The following DACH2 variants were observed in gnomAD, a reference collection of about 807,000 sequenced individuals.
The protein encoded by DACH2 is dachshund homolog 2.
DACH2 carries 17 observed loss-of-function variants against 35.8 expected under a neutral mutation model. The ratio of observed to expected loss-of-function variants is 0.48; its 90% CI spans 0.33 to 0.71. The LOEUF (loss-of-function observed/expected upper bound fraction) is 0.71. Among genes scored for constraint, DACH2 ranks in the 30% least tolerant of loss-of-function variants. The pLI is 0.02. For missense variants in DACH2, 469 were observed against 472.7 expected (o/e 0.99, Z 0.07); for synonymous variants, 195 against 177.3 (o/e 1.10, Z -0.79).
intron 1 of DACH2, among the ~76,000 whole-genome samples, chrX:86,280,665 TAA>T (rs755442950): frequency 6.2e-4 from 69 of 112,139 alleles, no homozygotes; most frequent in Middle Eastern, 4.6e-3. Context: ...GCAAATTGGA[TAA>T]AGAGTCATGA....
intron 1 of DACH2, among the ~76,000 whole-genome samples, chrX:86,217,312 G>A (rs1280112868): frequency 9.0e-6 from 1 of 111,314 alleles, no homozygotes; most frequent in Non-Finnish European, 1.9e-5. Flanking sequence ...AGAAAAATAG[G>A]TTGACTTGCA....
intron 3 of DACH2, among the ~76,000 whole-genome samples, chrX:86,589,317 C>T (rs1367885524): frequency 1.8e-5 from 2 of 110,261 alleles, no homozygotes; most frequent in Non-Finnish European, 3.8e-5. Flanking sequence ...TTCTTTTCTT[C>T]TGCTATATTT....
At chrX:86,465,881 A>G (rs2037657847) in intron 2 of DACH2, among the ~76,000 whole-genome samples, 1 of 111,935 alleles carries the variant, frequency 8.9e-6, no homozygotes, top group Non-Finnish European at 1.9e-5. Context: ...TGGCAAGAAG[A>G]TTGCAGGTGT....
At chrX:86,334,805 T>G (rs2035274936) in intron 1 of DACH2, among the ~76,000 whole-genome samples, 1 of 112,354 alleles carries the variant, frequency 8.9e-6, no homozygotes. Flanking sequence ...GCCAATGCTT[T>G]TGGTGTTTTA....
At chrX:86,315,475 CTT>C (rs758054822) in intron 1 of DACH2, among the ~76,000 whole-genome samples, 46 of 111,779 alleles carry the variant, frequency 4.1e-4, no homozygotes, top group African/African-American at 1.3e-3. Context: ...GTTCAAGTCT[CTT>C]TTTCTAAGGA....
At chrX:86,819,224 G>C (rs2042484014) in intron 11 of DACH2, among the ~76,000 whole-genome samples, 1 of 109,513 alleles carries the variant, frequency 9.1e-6, no homozygotes, top group African/African-American at 3.3e-5. Flanking sequence ...AATGTTTTCT[G>C]GTGATCACGC....
intron 4 of DACH2, among the ~76,000 whole-genome samples, chrX:86,658,367 G>A (rs1255586487): frequency 9.0e-6 from 1 of 111,601 alleles, no homozygotes; most frequent in Non-Finnish European, 1.9e-5. Flanking sequence ...AGACAGGAGA[G>A]TATGAAAATA....
intron 1 of DACH2, among the ~76,000 whole-genome samples, chrX:86,170,914 A>G (rs761659532): frequency 1.8e-5 from 2 of 111,991 alleles, no homozygotes; most frequent in Non-Finnish European, 3.8e-5. Flanking sequence ...CCAGAAAGGC[A>G]GGACAACTTG....
At chrX:86,495,021 G>T (rs1050151253) in intron 2 of DACH2, among the ~76,000 whole-genome samples, 2 of 111,043 alleles carry the variant, frequency 1.8e-5, no homozygotes, top group Non-Finnish European at 3.8e-5. Flanking sequence ...AAATATTAAT[G>T]AGATAGTTTG....
At chrX:86,648,952 T>G (rs1160455942) in intron 3 of DACH2, among the ~76,000 whole-genome samples, 2 of 110,333 alleles carry the variant, frequency 1.8e-5, no homozygotes, top group African/African-American at 6.5e-5. Context: ...TTAGAGATTT[T>G]TTTTTTAACT....
At chrX:86,469,396 A>C (rs1778070549) in intron 2 of DACH2, among the ~76,000 whole-genome samples, 1 of 111,406 alleles carries the variant, frequency 9.0e-6, no homozygotes, top group Admixed American at 9.6e-5. Flanking sequence ...TATGTTAAAT[A>C]GATTGATTTA....
At chrX:86,232,142 A>C (rs2032961966) in intron 1 of DACH2, among the ~76,000 whole-genome samples, 1 of 111,730 alleles carries the variant, frequency 9.0e-6, no homozygotes, top group Non-Finnish European at 1.9e-5. Flanking sequence ...AGTAGAGAGC[A>C]GGCCAATTGG....
At chrX:86,434,452 A>G (rs1189306215) in intron 2 of DACH2, among the ~76,000 whole-genome samples, 1 of 112,240 alleles carries the variant, frequency 8.9e-6, no homozygotes, top group African/African-American at 3.2e-5. Flanking sequence ...TCAGAATAAA[A>G]TATTTCACTT....
chrX:86,822,372 CTAT>C (rs1195488915), intron 11 of DACH2, among the ~76,000 whole-genome samples: 1 of 111,866 alleles, frequency 8.9e-6, no homozygotes, highest in African/African-American at 3.2e-5. Flanking sequence ...AAGGCAGGAC[CTAT>C]TATATGTATA....
chrX:86,382,502 A>ATG (rs2036062077), intron 2 of DACH2, among the ~76,000 whole-genome samples: 6 of 107,470 alleles, frequency 5.6e-5, no homozygotes, highest in East Asian at 5.9e-4. Context: ...ACACACACAC[A>ATG]CACGTCCTCT....
chrX:86,630,423 CAT>C (rs751878867), intron 3 of DACH2, among the ~76,000 whole-genome samples: 2 of 107,971 alleles, frequency 1.9e-5, no homozygotes, highest in African/African-American at 3.4e-5. Flanking sequence ...TATATACACA[CAT>C]ATATATATAT....
At chrX:86,593,213 G>A (rs1294112758) in intron 3 of DACH2, among the ~76,000 whole-genome samples, 1 of 109,938 alleles carries the variant, frequency 9.1e-6, no homozygotes, top group Non-Finnish European at 1.9e-5. Flanking sequence ...CTTGTTGAGA[G>A]TTTTTAAGGT....
intron 3 of DACH2, among the ~76,000 whole-genome samples, chrX:86,613,671 C>G (rs1479120204): frequency 9.0e-6 from 1 of 111,144 alleles, no homozygotes; most frequent in Non-Finnish European, 1.9e-5. Flanking sequence ...TTGGGGTTAT[C>G]TAGGTTCTGG....
intron 3 of DACH2, among the ~76,000 whole-genome samples, chrX:86,640,367 A>G (rs1039825969): frequency 9.0e-6 from 1 of 111,582 alleles, no homozygotes; most frequent in Non-Finnish European, 1.9e-5. Flanking sequence ...AGCTACAGAC[A>G]CAAGGAGAGG....
Sources: gnomAD v4.1 joint callset for allele counts (sites outside exome capture counted in the v4.1 genomes callset) on GRCh38, gnomAD v4.1.1 for gene constraint, MANE v1.5 for transcripts, NCBI Gene and HGNC (gene_info 2026-07-23, HGNC 2026-07-21) for gene names.